Variants in PRELID2 observed in about 807,000 individuals in gnomAD.
The protein encoded by PRELID2 is PRELI domain containing 2.
PRELID2 carries 25 observed loss-of-function variants against 28.4 expected under a neutral mutation model. That is an observed-to-expected ratio of 0.88 (90% CI 0.64 to 1.23). PRELID2 has a LOEUF of 1.23. PRELID2 is among the 50% of genes most tolerant of loss of function. PRELID2 has a pLI of 0.00. For missense variants in PRELID2, 201 were observed against 214.4 expected, an observed-to-expected ratio of 0.94 and a Z score of 0.39; for synonymous variants, 76 against 71.6, an observed-to-expected ratio of 1.06 and a Z score of -0.31.
the PRELID2 span, among the ~76,000 whole-genome samples, chr5:145,315,952 A>AT: frequency 6.6e-6 from 1 of 152,052 alleles, no homozygotes; most frequent in African/African-American, 2.4e-5. Context: ...TAATTTCTTA[A>AT]TTTTTTACTA....
chr5:145,566,297 T>A (rs2126698582), intron 1 of PRELID2, among the ~76,000 whole-genome samples: 3 of 152,292 alleles, frequency 2.0e-5, no homozygotes, highest in Admixed American at 2.0e-4. Context: ...CCTACTTCTC[T>A]TATTTTTTGC....
rs529154788 is a variant in PRELID2 at position 145,798,987 on chromosome 5, C to T, written c.369-2440G>A. On this transcript the variant is annotated intron_variant, in intron 4 of 6. Coordinates refer to ENST00000683046, the MANE Select transcript of PRELID2 (RefSeq NM_205846.3). The stretch of plus-strand genomic sequence containing the variant: ...TGTATACCTATGCATCAAACCTGCA[C>T]GTTGTGCACATGTACCCTAGAACTT... Among the ~76,000 whole-genome samples the T allele has an allele frequency of 3.3e-5, 5 of 151,346 alleles. 1 individual carries two copies. In the South Asian group the frequency reaches 6.2e-4, roughly 19 times the overall value.
chr5:145,308,687 T>C, the PRELID2 span, among the ~76,000 whole-genome samples: 1 of 152,172 alleles, frequency 6.6e-6, no homozygotes, highest in African/African-American at 2.4e-5. Flanking sequence ...ATTTAATAGT[T>C]TGAGGAACTC....
rs186151265 is a variant in PRELID2, at chr5:145,674,028, T to C, written n.70+90903A>G. Among the ~76,000 whole-genome samples the C allele has an allele frequency of 1.2e-3, 184 of 152,316 alleles. 1 individual carries two copies. The highest frequency in any genetic ancestry group is 4.2e-3 in the African/African-American group (176 of 41,586). The stretch of plus-strand genomic sequence containing the variant: ...AATAAAATGTCATCAGGTTTTTATT[T>C]TCCTAAATATAAAGTTGATTATACC... On this transcript the variant is annotated intron_variant and non_coding_transcript_variant, in intron 1 of 2. Transcript: ENST00000510259.
At chr5:145,813,667 C>T (rs1358311648) in intron 4 of PRELID2, among the ~76,000 whole-genome samples, 1 of 152,054 alleles carries the variant, frequency 6.6e-6, no homozygotes, top group Non-Finnish European at 1.5e-5. Context: ...AAAGAATACA[C>T]ATGAAGGATA....
chr5:145,649,929 T>C (rs1754260591), intron 1 of PRELID2, among the ~76,000 whole-genome samples: 1 of 152,222 alleles, frequency 6.6e-6, no homozygotes, highest in Non-Finnish European at 1.5e-5. Flanking sequence ...TCTTGTTGTT[T>C]GGGTCAAATC....
intron 1 of PRELID2, among the ~76,000 whole-genome samples, chr5:145,642,522 A>C (rs1026476524): frequency 7.2e-5 from 11 of 152,196 alleles, no homozygotes; most frequent in African/African-American, 2.2e-4. Flanking sequence ...TAATTTAATT[A>C]GATCTCATTT....
At chr5:145,754,720 C>A (rs914522713), downstream of PRELID2, among the ~76,000 whole-genome samples, 1 of 152,154 alleles carries the variant, frequency 6.6e-6, no homozygotes, top group Non-Finnish European at 1.5e-5. Context: ...TGATGTCTTA[C>A]AATTCTGCAA....
chr5:145,699,953 C>G (rs1755369640), intron 1 of PRELID2, among the ~76,000 whole-genome samples: 1 of 152,124 alleles, frequency 6.6e-6, no homozygotes, highest in African/African-American at 2.4e-5. Context: ...GTTCAGAAAG[C>G]TGAATATAAG....
At chr5:145,707,262 G>A (rs1274512587) in intron 1 of PRELID2, among the ~76,000 whole-genome samples, 2 of 152,204 alleles carry the variant, frequency 1.3e-5, no homozygotes, top group Non-Finnish European at 2.9e-5. Context: ...GCAGAGTCAG[G>A]ATGTGACCCC....
the PRELID2 span, among the ~76,000 whole-genome samples, chr5:145,465,867 C>T: frequency 1.3e-5 from 2 of 152,108 alleles, no homozygotes; most frequent in African/African-American, 4.8e-5. Context: ...ACCCAGGCAG[C>T]CTTGAAGGTT....
intron 1 of PRELID2, among the ~76,000 whole-genome samples, chr5:145,523,904 T>A (rs929312061): frequency 1.3e-5 from 2 of 152,232 alleles, no homozygotes; most frequent in African/African-American, 4.8e-5. Context: ...AGTTTGCACA[T>A]GCAGATGACC....
At chr5:145,680,854 G>C (rs1754918739) in intron 1 of PRELID2, among the ~76,000 whole-genome samples, 1 of 152,132 alleles carries the variant, frequency 6.6e-6, no homozygotes, top group Non-Finnish European at 1.5e-5. Flanking sequence ...AAAGTACTTT[G>C]TTCCATCGCC....
the PRELID2 span, among the ~76,000 whole-genome samples, chr5:145,312,041 G>A: frequency 6.6e-6 from 1 of 151,988 alleles, no homozygotes; most frequent in East Asian, 1.9e-4. Context: ...TTTATGATGA[G>A]AACATTTAAA....
intron 1 of PRELID2, among the ~76,000 whole-genome samples, chr5:145,671,902 A>G (rs1360011359): frequency 6.6e-6 from 1 of 152,200 alleles, no homozygotes; most frequent in African/African-American, 2.4e-5. Flanking sequence ...TGTTATTGCA[A>G]TCAAAGAACT....
chr5:145,253,265 T>C, the PRELID2 span, among the ~76,000 whole-genome samples: 36,928 of 152,042 alleles, frequency 0.24, 5,518 homozygotes, highest in Non-Finnish European at 0.32. Flanking sequence ...GGTTGACTAT[T>C]TACTTAAAAG....
chr5:145,712,897 C>A (rs1755734044), intron 1 of PRELID2, among the ~76,000 whole-genome samples: 1 of 151,374 alleles, frequency 6.6e-6, no homozygotes, highest in Non-Finnish European at 1.5e-5. Flanking sequence ...TGAAAAATAT[C>A]AGAGATGAAG....
At chr5:145,275,883 A>G in the PRELID2 span, among the ~76,000 whole-genome samples, 2 of 152,020 alleles carry the variant, frequency 1.3e-5, no homozygotes, top group African/African-American at 2.4e-5. Flanking sequence ...ATCATCCTCA[A>G]CTCTGCATTT....
intron 1 of PRELID2, among the ~76,000 whole-genome samples, chr5:145,685,923 C>G (rs746367674): frequency 2.6e-5 from 4 of 152,100 alleles, no homozygotes; most frequent in Non-Finnish European, 5.9e-5. Flanking sequence ...AGGAAGGATC[C>G]AAAAAAGCTG....
Sources: allele counts gnomAD v4.1 joint callset (sites outside exome capture counted in the v4.1 genomes callset), GRCh38; gene constraint gnomAD v4.1.1; transcripts MANE v1.5; gene names NCBI Gene and HGNC (gene_info 2026-07-23, HGNC 2026-07-21).